Variants in NFE2L3 observed in about 807,000 individuals in gnomAD.
NFE2L3 encodes the protein NFE2 like bZIP transcription factor 3.
A neutral mutation model predicts 23.5 loss-of-function variants in NFE2L3; 18 were observed. That is an observed-to-expected ratio of 0.77 (90% CI 0.53 to 1.13). The LOEUF is 1.13. Among genes scored for constraint, NFE2L3 ranks in the 50% most tolerant of loss-of-function variants. The pLI is 0.00. For missense variants in NFE2L3, 1,152 were observed against 877.2 expected, an observed-to-expected ratio of 1.31 and a Z score of -3.96; for synonymous variants, 424 against 354.5, an observed-to-expected ratio of 1.20 and a Z score of -2.20.
intron 1 of NFE2L3, among the ~76,000 whole-genome samples, chr7:26,175,236 T>C (rs1472612228): frequency 1.3e-5 from 2 of 150,012 alleles, no homozygotes; most frequent in Admixed American, 6.6e-5. Context: ...GGCAGGCACC[T>C]GTAGTCCCAG....
chr7:26,164,981 G>A (rs1447953607), intron 1 of NFE2L3, among the ~76,000 whole-genome samples: 10 of 152,118 alleles, frequency 6.6e-5, no homozygotes, highest in Non-Finnish European at 1.5e-4. Context: ...TTATTTCTGA[G>A]GGCTCTGTTC....
At chr7:26,181,524 ACACTACCAT>A (rs1428142105) in intron 2 of NFE2L3, among the ~76,000 whole-genome samples, 2 of 152,182 alleles carry the variant, frequency 1.3e-5, no homozygotes, top group Non-Finnish European at 2.9e-5. Flanking sequence ...ATCTGAATGC[ACACTACCAT>A]CACCATCAAG....
intron 3 of NFE2L3, 121 bp from the exon 4 acceptor site, chr7:26,184,412 G>A (rs1782426717): frequency 3.5e-6 from 3 of 860,178 alleles, no homozygotes; most frequent in Non-Finnish European, 5.5e-6. Context: ...ACTGCCAACA[G>A]CATCTATCTC....
Position 26,181,641 on chromosome 7 carries a change from A to G in NFE2L3, c.751-2060A>G, listed in dbSNP as rs968835930. On this transcript the variant is annotated intron_variant, in intron 2 of 3. Transcript: ENST00000056233. The stretch of plus-strand genomic sequence containing the variant: ...CTGCTCCCCAAAATGCTCACCTTTT[A>G]AGAATTAAAAATGACATAAATAGCC... Among the ~76,000 whole-genome samples, 9 of 152,196 alleles carry G rather than the reference A, an allele frequency of 5.9e-5. No individual in the cohort carries two copies. The East Asian group carries it at 9.6e-4, about 16-fold the overall frequency.
In NFE2L3 at chr7:26,184,986, A is replaced by G. The variant is rs779105915; in HGVS notation, c.1288A>G (p.Thr430Ala). The G allele has an allele frequency of 3.7e-6, 6 of 1,613,796 alleles. No homozygotes were observed. The highest frequency in any genetic ancestry group is 1.7e-5 in the Admixed American group (1 of 60,012). The change falls in exon 4 of 4, where the codon ACC becomes GCC. Residue 430 changes from threonine (T) to alanine (A), a missense_variant. Physicochemically the swap from Thr to Ala is moderately conservative, Grantham distance 58 (BLOSUM62 0). Coordinates refer to ENST00000056233, the MANE Select transcript of NFE2L3 (RefSeq NM_004289.7). ...TTCTTTAGATTCAAGTCACAATAAT[A>G]CCTCTGTCATCAAGTCTAATTCCTC... ...GLSLDSSHNN[T>A]SVIKSNSSHS...
intron 3 of NFE2L3, 33 bp from the exon 4 acceptor site, chr7:26,184,500 T>G: frequency 6.4e-7 from 1 of 1,570,112 alleles, no homozygotes; most frequent in Non-Finnish European, 8.6e-7. Context: ...ATAGGGCTAT[T>G]CATGTTTGAA....
chr7:26,185,484 C>T lies in NFE2L3; in HGVS notation c.1786C>T (p.Arg596Cys), dbSNP rs759067444. 13 of 1,613,780 alleles carry T rather than the reference C, an allele frequency of 8.1e-6. No individual in the cohort carries two copies. The highest frequency in any genetic ancestry group is 2.7e-5 in the African/African-American group (2 of 74,890). ...GKNKVAAQNCRKRKLDIILNL... is the reference protein window; with the variant it reads ...GKNKVAAQNCCKRKLDIILNL... ...AAATAAAGTTGCTGCGCAGAACTGT[C>T]GTAAACGCAAATTGGACATAATTTT... Residue 596 changes from arginine to cysteine, a missense_variant, in exon 4 of 4, where the codon CGT (arginine) becomes TGT (cysteine). Physicochemically the swap from Arg to Cys is radical, Grantham distance 180. Transcript: ENST00000056233.
In NFE2L3 at chr7:26,184,769, T is replaced by A. The variant is rs763138858; in HGVS notation, c.1071T>A (p.Pro357=). Residue 357 remains proline, a synonymous_variant, in exon 4 of 4, where the codon CCT becomes CCA. Coordinates refer to ENST00000056233, the MANE Select transcript of NFE2L3 (RefSeq NM_004289.7). Reference sequence around the variant, plus strand: ...CCACCAATCCTGAGCAAACCCTTCCTGGAACTAATTTGACAGGATTTCTTT... The same window carrying A: ...CCACCAATCCTGAGCAAACCCTTCCAGGAACTAATTTGACAGGATTTCTTT... ...SHTTNPEQTL[P]GTNLTGFLSP... 5.6e-6 allele frequency: 9 copies of A among 1,613,818 alleles called. No individual in the cohort carries two copies. Among genetic ancestry groups the A allele is most frequent in the Admixed American group, 5.0e-5 (3 of 60,000 alleles).
chr7:26,153,985 T>C (rs1784041185), intron 1 of NFE2L3, among the ~76,000 whole-genome samples: 1 of 152,240 alleles, frequency 6.6e-6, no homozygotes, highest in Non-Finnish European at 1.5e-5. Context: ...ACTAATGTTC[T>C]TCGGGTGTTG....
chr7:26,162,068 G>A (rs543668971), intron 1 of NFE2L3, among the ~76,000 whole-genome samples: 8 of 151,922 alleles, frequency 5.3e-5, no homozygotes, highest in Non-Finnish European at 8.8e-5. Flanking sequence ...GCTTGAACCC[G>A]GGAGGTGGAG....
At chr7:26,160,146 C>T (rs1784145643) in intron 1 of NFE2L3, among the ~76,000 whole-genome samples, 1 of 151,952 alleles carries the variant, frequency 6.6e-6, no homozygotes, top group Non-Finnish European at 1.5e-5. Flanking sequence ...TTTGCAGAGA[C>T]AAGGTCTTGC....
chr7:26,165,706 G>C (rs1381713877), intron 1 of NFE2L3, among the ~76,000 whole-genome samples: 1 of 152,142 alleles, frequency 6.6e-6, no homozygotes, highest in African/African-American at 2.4e-5. Flanking sequence ...TGGTGAGAGA[G>C]GGCATCCCTG....
At chr7:26,157,067 G>T (rs1045648732) in intron 1 of NFE2L3, among the ~76,000 whole-genome samples, 3 of 151,846 alleles carry the variant, frequency 2.0e-5, no homozygotes, top group Non-Finnish European at 4.4e-5. Context: ...AGCCGAGATC[G>T]CTCTACTGCA....
intron 1 of NFE2L3, 48 bp from the exon 2 acceptor site, chr7:26,177,895 A>G: frequency 6.6e-7 from 1 of 1,507,200 alleles, no homozygotes; most frequent in Non-Finnish European, 9.1e-7. Context: ...AGCACAATGC[A>G]GTTTTAAAGA....
intron 1 of NFE2L3, 81 bp downstream of exon 1, chr7:26,153,149 G>A: frequency 7.4e-7 from 1 of 1,351,444 alleles, no homozygotes; most frequent in Non-Finnish European, 9.7e-7. Flanking sequence ...ATCTGAGCAG[G>A]GGCCACTCTC....
chr7:26,175,316 C>T (rs1211934520), intron 1 of NFE2L3, among the ~76,000 whole-genome samples: 4 of 151,374 alleles, frequency 2.6e-5, no homozygotes, highest in Non-Finnish European at 4.4e-5. Context: ...GCCGAGATCT[C>T]GCCACTGCGC....
At chr7:26,183,966 G>A in intron 3 of NFE2L3, 182 bp downstream of exon 3, 3 of 534,764 alleles carry the variant, frequency 5.6e-6, no homozygotes, top group South Asian at 2.8e-5. Context: ...TAATCCCAAA[G>A]GTATAATCAA....
At chr7:26,175,314 C>T (rs1784384120) in intron 1 of NFE2L3, among the ~76,000 whole-genome samples, 1 of 151,724 alleles carries the variant, frequency 6.6e-6, no homozygotes, top group Admixed American at 6.6e-5. Context: ...GAGCCGAGAT[C>T]TCGCCACTGC....
chr7:26,185,816 G>A lies in NFE2L3; in HGVS notation c.*33G>A, dbSNP rs1172367990. 2 of 1,520,990 alleles carry A rather than the reference G, an allele frequency of 1.3e-6. No homozygotes were observed. Among genetic ancestry groups the A allele is most frequent in the African/African-American group, 2.8e-5 (2 of 70,946 alleles). 94.2% of individuals were successfully genotyped at this position (1,520,990 alleles called of 1,614,324 possible). ...CTGAAGATGGACTCTATTATGTGAA[G>A]TAGTAATGTTCAGAAACTGATTATT... On this transcript the variant is annotated 3_prime_UTR_variant, in exon 4 of 4. Transcript: ENST00000056233.
Sources: allele counts gnomAD v4.1 joint callset (sites outside exome capture counted in the v4.1 genomes callset), GRCh38; gene constraint gnomAD v4.1.1; transcripts MANE v1.5; gene names NCBI Gene and HGNC (gene_info 2026-07-23, HGNC 2026-07-21).